TMEM184B: variants seen among roughly 807,000 people sequenced by gnomAD.
The protein encoded by TMEM184B is transmembrane protein 184B, also known as putative MAPK-activating protein FM08.
Under a neutral mutation model 41.8 loss-of-function variants are expected in TMEM184B, and 17 were observed. The ratio of observed to expected loss-of-function variants is 0.41; its 90% confidence interval spans 0.28 to 0.61. The LOEUF is 0.61. Ranked by LOEUF, TMEM184B falls within the 20% of genes least tolerant of loss-of-function variation. The probability of loss-of-function intolerance (pLI) is 0.34; values close to 1 mark genes in which losing one functional copy is unlikely to be tolerated. For missense variants in TMEM184B, 393 were observed against 557.8 expected (o/e 0.70, Z 2.98); for synonymous variants, 240 against 229.5 (o/e 1.05, Z -0.41).
At chr22:38,257,006 A>G (rs2092292558) in intron 1 of TMEM184B, among the ~76,000 whole-genome samples, 1 of 129,924 alleles carries the variant, frequency 7.7e-6, no homozygotes, top group Admixed American at 7.8e-5. Flanking sequence ...TTTGAGATAG[A>G]GTTTCGCTCT....
Position 38,224,927 on chromosome 22 carries a change from C to A in TMEM184B, c.840G>T (p.Ser280=). The A allele has an allele frequency of 6.2e-7, 1 of 1,607,958 alleles. No homozygotes were observed. Among genetic ancestry groups the A allele is most frequent in the Middle Eastern group, 1.7e-4 (1 of 6,046 alleles). ...TGCCCTCGCCCACCGACACGCGGGC[C>A]GAGTGGATTTTGGGGATGGCCCCAC... ...EKCGAIPKIH[S]ARVSVGEGTV... is the part of the protein sequence containing the mutation. The change falls in exon 8 of 9, where the codon TCG becomes TCT. Residue 280 remains serine, a synonymous_variant. Transcript: ENST00000361906.
At chr22:38,244,789 A>C (rs975677285) in intron 3 of TMEM184B, among the ~76,000 whole-genome samples, 2 of 152,154 alleles carry the variant, frequency 1.3e-5, no homozygotes, top group African/African-American at 4.8e-5. Flanking sequence ...CCTCCTCTCC[A>C]TTCCTGCTGG....
chr22:38,255,856 G>C (rs2092268575), intron 1 of TMEM184B, among the ~76,000 whole-genome samples: 1 of 152,218 alleles, frequency 6.6e-6, no homozygotes, highest in South Asian at 2.1e-4. Context: ...TGGTGTAGTA[G>C]TTGGCAGAGG....
intron 3 of TMEM184B, chr22:38,232,281 A>G (rs1167424467): frequency 2.6e-5 from 4 of 152,204 alleles, no homozygotes. Flanking sequence ...CATCTCCACA[A>G]AGACCCAAAA....
At chr22:38,262,277 G>C (rs1602493392) in intron 1 of TMEM184B, among the ~76,000 whole-genome samples, 1 of 152,202 alleles carries the variant, frequency 6.6e-6, no homozygotes, top group South Asian at 2.1e-4. Flanking sequence ...GGGGGCCCCA[G>C]GGAGCTTCCT....
At chr22:38,270,768 C>T (rs983249028) in intron 1 of TMEM184B, among the ~76,000 whole-genome samples, 5 of 152,198 alleles carry the variant, frequency 3.3e-5, no homozygotes, top group African/African-American at 4.8e-5. Context: ...CCTGCCTTGC[C>T]GGGGCTGTTT....
intron 5 of TMEM184B, among the ~76,000 whole-genome samples, chr22:38,229,643 A>G (rs2091555304): frequency 6.9e-6 from 1 of 144,200 alleles, no homozygotes; most frequent in Non-Finnish European, 1.5e-5. Context: ...GACCACAGGG[A>G]GGTCAGCCCA....
rs1236428807 is a variant in TMEM184B, at chr22:38,219,714, T to C, written c.*1755A>G. On this transcript the variant is annotated 3_prime_UTR_variant, in exon 9 of 9. Transcript: ENST00000361906. ...CCAAGGGAGTGGGAATCAGCAGCACTTTGGCCTGGAGGGAGAAGGGAAGCC... is the reference window on the plus strand; with the variant it reads ...CCAAGGGAGTGGGAATCAGCAGCACCTTGGCCTGGAGGGAGAAGGGAAGCC... The C allele has an allele frequency of 5.1e-6, 5 of 985,460 alleles. No homozygotes were observed. The South Asian group carries it at 1.9e-4, about 37-fold the overall frequency. 61.0% of individuals were successfully genotyped at this position (985,460 alleles called of 1,614,324 possible).
Position 38,220,054 on chromosome 22 carries a change from T to A in TMEM184B, c.*1415A>T. On this transcript the variant is annotated 3_prime_UTR_variant, in exon 9 of 9. Transcript: ENST00000361906. ...CCCTCTCCCTTACCCTACCAGCTTC[T>A]CCAGGTGACTGCAGCCCAAACCCAG... 2 of 985,492 alleles carry A rather than the reference T, an allele frequency of 2.0e-6. No individual in the cohort carries two copies. The highest frequency in any genetic ancestry group is 2.4e-6 in the Non-Finnish European group (2 of 830,010). The allele number at this position is 985,492 out of a possible 1,614,324, so 61.0% of individuals were successfully genotyped here.
intron 3 of TMEM184B, among the ~76,000 whole-genome samples, chr22:38,241,883 C>CA (rs34060428): frequency 0.079 from 2,527 of 31,966 alleles, 343 homozygotes; most frequent in African/African-American, 0.18. Context: ...GACTCCGTCT[C>CA]AAAAAAAAAA....
intron 3 of TMEM184B, among the ~76,000 whole-genome samples, chr22:38,233,847 G>A (rs1353317336): frequency 6.6e-6 from 1 of 152,034 alleles, no homozygotes; most frequent in Non-Finnish European, 1.5e-5. Context: ...TTGGCTCACT[G>A]CAACCTCCAC....
At chr22:38,268,374 CA>C (rs34786032) in intron 1 of TMEM184B, among the ~76,000 whole-genome samples, 209 of 121,686 alleles carry the variant, frequency 1.7e-3, no homozygotes, top group East Asian at 2.4e-3. Flanking sequence ...GACCCTGTCT[CA>C]AAAAAAAAAA....
At chr22:38,248,203 C>T (rs2092082518) in intron 1 of TMEM184B, among the ~76,000 whole-genome samples, 184 bp from the exon 2 acceptor site, 1 of 152,158 alleles carries the variant, frequency 6.6e-6, no homozygotes, top group Non-Finnish European at 1.5e-5. Flanking sequence ...TCTGCTTCTG[C>T]CCCTGCCTCT....
At chr22:38,262,484 G>T (rs1462498572) in intron 1 of TMEM184B, among the ~76,000 whole-genome samples, 1 of 152,206 alleles carries the variant, frequency 6.6e-6, no homozygotes, top group African/African-American at 2.4e-5. Flanking sequence ...GAGTTAAGAG[G>T]GCAGACAGAG....
At position 38,225,291 on chromosome 22, in the gene TMEM184B, A is replaced by G; in HGVS notation, c.787+133T>C. 8.3e-7 allele frequency: 1 copy of G among 1,207,550 alleles called. No individual in the cohort carries two copies. Among genetic ancestry groups the G allele is most frequent in the Non-Finnish European group, 1.1e-6 (1 of 879,442 alleles). The allele number at this position is 1,207,550 out of a possible 1,614,324, so 74.8% of individuals were successfully genotyped here. On this transcript the variant is annotated intron_variant, in intron 7 of 8. Transcript: ENST00000361906. The surrounding 1 kb of genome is among the most constrained non-coding windows in gnomAD (Gnocchi z 4.4). Reference sequence around the variant, plus strand: ...CCTCGAGGGCTCAGATTTCACCCCCAGCAAGTGCCCAGTGGGCTGAGGCCC... The same window carrying G: ...CCTCGAGGGCTCAGATTTCACCCCCGGCAAGTGCCCAGTGGGCTGAGGCCC...
chr22:38,259,939 CTTTTTTT>C lies in TMEM184B; in HGVS notation c.-58-11927_-58-11921del, dbSNP rs60704295. 3.2e-3 allele frequency among the ~76,000 whole-genome samples: 284 copies of C among 87,408 alleles called. 1 individual carries two copies. The highest frequency in any genetic ancestry group is 0.014 in the African/African-American group (271 of 19,300). 57.3% of individuals were successfully genotyped at this position (87,408 alleles called of 152,430 possible). ...TACAGGCACGTGCCACCACGCCTGGCTTTTTTTTTTTTTTTTTTTTGTGAGACGGAGT... is the reference window on the plus strand; with the variant it reads ...TACAGGCACGTGCCACCACGCCTGGCTTTTTTTTTTTTTGTGAGACGGAGT... On this transcript the variant is annotated intron_variant, in intron 1 of 8. Coordinates refer to ENST00000361906, the MANE Select transcript of TMEM184B (RefSeq NM_012264.5).
chr22:38,249,715 G>C (rs531227957), intron 1 of TMEM184B, among the ~76,000 whole-genome samples: 2 of 152,198 alleles, frequency 1.3e-5, no homozygotes, highest in African/African-American at 4.8e-5. Context: ...GGAGGCAGTC[G>C]ATTTATGGGA....
At chr22:38,268,861 C>T (rs970980653) in intron 1 of TMEM184B, among the ~76,000 whole-genome samples, 4 of 152,378 alleles carry the variant, frequency 2.6e-5, no homozygotes, top group Admixed American at 6.5e-5. Context: ...GGCGGCTCCC[C>T]GCAAACAGCC....
intron 1 of TMEM184B, among the ~76,000 whole-genome samples, chr22:38,248,372 C>G (rs2092087152): frequency 1.3e-5 from 2 of 152,238 alleles, no homozygotes; most frequent in South Asian, 4.1e-4. Flanking sequence ...TCTATGATCT[C>G]AGCTCCTACA....
Sources: allele counts gnomAD v4.1 joint callset (sites outside exome capture counted in the v4.1 genomes callset), GRCh38; gene constraint gnomAD v4.1.1; non-coding constraint Gnocchi (gnomAD v3.1); transcripts MANE v1.5; gene names NCBI Gene and HGNC (gene_info 2026-07-23, HGNC 2026-07-21).